Variants in ABCB5 observed in about 807,000 individuals in gnomAD.
ABCB5 encodes the protein ATP-binding cassette sub-family B member 5.
ABCB5 carries 155 observed loss-of-function variants against 144.2 expected under a neutral mutation model. The observed-to-expected ratio is 1.08, with a 90% CI of 0.94 to 1.23. The LOEUF is 1.23. Ranked by LOEUF, ABCB5 falls within the 50% of genes most tolerant of loss-of-function variation. ABCB5 has a pLI of 0.00. For missense variants in ABCB5, 1,830 were observed against 1,520.8 expected (o/e 1.20, Z -3.38); for synonymous variants, 610 against 528.6 (o/e 1.15, Z -2.11).
At chr7:20,647,732 A>G in intron 10 of ABCB5, 84 bp downstream of exon 10, 1 of 1,509,508 alleles carries the variant, frequency 6.6e-7, no homozygotes, top group African/African-American at 1.4e-5. Flanking sequence ...TTTCACTAAA[A>G]CAATAGGATG....
At position 20,755,248 on chromosome 7, in the gene ABCB5, T is replaced by C. The variant is rs550561337; in HGVS notation, c.3577-179T>C. On this transcript the variant is annotated intron_variant, in intron 27 of 27. Coordinates refer to ENST00000404938, the MANE Select transcript of ABCB5 (RefSeq NM_001163941.2). ...ACAGGCATGAGCCAATGTGCCCAGC[T>C]GTAGTTAATATTTCTAGATTTCTAT... Among the ~76,000 whole-genome samples, 9 of 152,252 alleles carry C rather than the reference T, an allele frequency of 5.9e-5. No homozygotes were observed. In the South Asian group the frequency reaches 1.9e-3, roughly 32 times the overall value.
intron 14 of ABCB5, among the ~76,000 whole-genome samples, chr7:20,678,483 T>G (rs763607780): frequency 3.9e-5 from 6 of 152,076 alleles, no homozygotes; most frequent in Non-Finnish European, 8.8e-5. Context: ...CTATAATAGA[T>G]AAGAATAAGA....
At chr7:20,661,457 T>C (rs1188719340) in intron 14 of ABCB5, among the ~76,000 whole-genome samples, 1 of 152,186 alleles carries the variant, frequency 6.6e-6, no homozygotes, top group African/African-American at 2.4e-5. Flanking sequence ...CCAACAGATA[T>C]TGTTGGATGG....
At chr7:20,750,236 A>T (rs1390755803) in intron 26 of ABCB5, among the ~76,000 whole-genome samples, 1 of 152,144 alleles carries the variant, frequency 6.6e-6, no homozygotes, top group Non-Finnish European at 1.5e-5. Flanking sequence ...AAAACAAGAA[A>T]ATTGATTTAA....
chr7:20,725,404 C>T (rs970098511), intron 21 of ABCB5, among the ~76,000 whole-genome samples: 6 of 152,148 alleles, frequency 3.9e-5, no homozygotes, highest in African/African-American at 1.4e-4. Flanking sequence ...CATGGTGAAA[C>T]CCTGTCTCTA....
rs1784149297 is a variant in ABCB5 at position 20,636,074 on chromosome 7, T to C, written c.314+3961T>C. 2.0e-5 allele frequency among the ~76,000 whole-genome samples: 3 copies of C among 152,308 alleles called. No homozygotes were observed. The South Asian group carries it at 6.2e-4, about 32-fold the overall frequency. On this transcript the variant is annotated intron_variant, in intron 5 of 27. Coordinates refer to ENST00000404938, the MANE Select transcript of ABCB5 (RefSeq NM_001163941.2). ...TGGAAAGTTCTATTGGATAGTGTTG[T>C]TCTGGGCTACAATGTGAATGATGCT...
At chr7:20,673,882 CT>C (rs1384480460) in intron 14 of ABCB5, among the ~76,000 whole-genome samples, 2 of 151,806 alleles carry the variant, frequency 1.3e-5, no homozygotes, top group South Asian at 2.1e-4. Context: ...TAAGTGAGTA[CT>C]TTTTATGATT....
At position 20,688,389 on chromosome 7, in the gene ABCB5, G is replaced by A. The variant is rs549023805; in HGVS notation, c.2010+2553G>A. On this transcript the variant is annotated intron_variant, in intron 16 of 27. Transcript: ENST00000404938. ...ATCATTAAGAGGGGATTGTAGTATG[G>A]GGAGTTGGGTAGCGAAAGTTAAGAC... 2.0e-5 allele frequency among the ~76,000 whole-genome samples: 3 copies of A among 152,218 alleles called. No homozygotes were observed. In the South Asian group the frequency reaches 6.2e-4, roughly 32 times the overall value.
chr7:20,739,805 AG>A (rs1441673817), intron 24 of ABCB5, among the ~76,000 whole-genome samples: 1 of 152,200 alleles, frequency 6.6e-6, no homozygotes, highest in African/African-American at 2.4e-5. Flanking sequence ...TTACAAACAA[AG>A]GGGAAAAAAA....
At position 20,650,054 on chromosome 7, in the gene ABCB5, T is replaced by C; in HGVS notation, c.1239T>C (p.Ser413=). 1 of 1,613,482 alleles carries C rather than the reference T, an allele frequency of 6.2e-7. No individual in the cohort carries two copies. Among genetic ancestry groups the C allele is most frequent in the Non-Finnish European group, 8.5e-7 (1 of 1,179,590 alleles). ...AAGGTCTGAATCTCAGAATTAAGTC[T>C]GGAGAGACAGTCGCCTTGGTCGGTC... ...ILKGLNLRIK[S]GETVALVGLN... Residue 413 remains serine (S), a synonymous_variant, in exon 12 of 28, where the codon TCT becomes TCC. Coordinates refer to ENST00000404938, the MANE Select transcript of ABCB5 (RefSeq NM_001163941.2).
At chr7:20,637,719 C>T (rs530194799) in intron 5 of ABCB5, among the ~76,000 whole-genome samples, 24 of 152,240 alleles carry the variant, frequency 1.6e-4, no homozygotes, top group African/African-American at 5.8e-4. Flanking sequence ...CATGCCAGGC[C>T]TTGATTACTT....
chr7:20,647,728 T>C, intron 10 of ABCB5, 80 bp downstream of exon 10: 1 of 1,517,274 alleles, frequency 6.6e-7, no homozygotes, highest in Non-Finnish European at 8.8e-7. Context: ...TCATTTTCAC[T>C]AAAACAATAG....
intron 15 of ABCB5, among the ~76,000 whole-genome samples, chr7:20,685,025 C>G (rs901809182): frequency 6.6e-6 from 1 of 152,002 alleles, no homozygotes; most frequent in African/African-American, 2.4e-5. Context: ...CTAAAGTGGT[C>G]TTTTTAGTAG....
chr7:20,626,268 G>A (rs903339383), intron 2 of ABCB5, among the ~76,000 whole-genome samples: 1 of 152,158 alleles, frequency 6.6e-6, no homozygotes, highest in Non-Finnish European at 1.5e-5. Context: ...ACTGTACTTA[G>A]TACCTTGGTT....
At chr7:20,633,849 A>G (rs1295394108) in intron 5 of ABCB5, among the ~76,000 whole-genome samples, 1 of 152,026 alleles carries the variant, frequency 6.6e-6, no homozygotes, top group Non-Finnish European at 1.5e-5. Context: ...CCAATATTTT[A>G]GCCATGGCCA....
At chr7:20,682,257 G>C (rs61529054) in intron 15 of ABCB5, among the ~76,000 whole-genome samples, 29,821 of 152,134 alleles carry the variant, frequency 0.2, 4,055 homozygotes, top group African/African-American at 0.39. Flanking sequence ...ATACTGTGAT[G>C]TTTGGTTAGA....
intron 13 of ABCB5, among the ~76,000 whole-genome samples, chr7:20,656,830 C>A (rs1274818004): frequency 6.6e-6 from 1 of 151,354 alleles, no homozygotes; most frequent in African/African-American, 2.4e-5. Flanking sequence ...TTTATAATAG[C>A]CAAAAATAGG....
chr7:20,643,015 A>T (rs1784326658), intron 5 of ABCB5, among the ~76,000 whole-genome samples, 169 bp from the exon 6 acceptor site: 2 of 152,184 alleles, frequency 1.3e-5, no homozygotes, highest in South Asian at 4.1e-4. Context: ...TTACCAGGAA[A>T]CCTAGATCAT....
At chr7:20,647,466 T>C (rs1201576085) in intron 9 of ABCB5, 69 bp from the exon 10 acceptor site, 1 of 1,479,686 alleles carries the variant, frequency 6.8e-7, no homozygotes, top group Non-Finnish European at 8.9e-7. Flanking sequence ...CCAATAATTA[T>C]ATATTACATT....
Sources: allele counts gnomAD v4.1 joint callset (sites outside exome capture counted in the v4.1 genomes callset), GRCh38; gene constraint gnomAD v4.1.1; transcripts MANE v1.5; gene names NCBI Gene and HGNC (gene_info 2026-07-23, HGNC 2026-07-21).